The following GFM1 variants were observed in gnomAD, a reference collection of about 807,000 sequenced individuals.
The protein encoded by GFM1 is G elongation factor mitochondrial 1.
GFM1 carries 62 observed loss-of-function variants against 96.2 expected under a neutral mutation model. The observed-to-expected ratio is 0.64, with a 90% confidence interval of 0.53 to 0.80. GFM1 has a LOEUF of 0.80. Ranked by LOEUF, GFM1 falls within the 30% of genes least tolerant of loss-of-function variation. The pLI is 0.00. For missense variants in GFM1, 852 were observed against 916.6 expected (o/e 0.93, Z 0.91); for synonymous variants, 282 against 312.9 (o/e 0.90, Z 1.04).
intron 14 of GFM1, among the ~76,000 whole-genome samples, chr3:158,683,227 A>G (rs1240014953): frequency 6.6e-6 from 1 of 152,228 alleles, no homozygotes; most frequent in African/African-American, 2.4e-5. Context: ...TTAAATTCTT[A>G]TATCCACTAA....
chr3:158,665,302 G>C (rs1410975655), intron 11 of GFM1, 35 bp from the exon 12 acceptor site: 1 of 1,549,964 alleles, frequency 6.5e-7, no homozygotes, highest in Non-Finnish European at 8.9e-7. Context: ...ATCATGCTCA[G>C]TAAAACATAT....
intron 1 of GFM1, among the ~76,000 whole-genome samples, chr3:158,645,412 A>G (rs1221719914): frequency 6.6e-6 from 1 of 152,218 alleles, no homozygotes; most frequent in African/African-American, 2.4e-5. Context: ...TTATTCATTA[A>G]TTAATTTTAA....
At chr3:158,673,392 G>C (rs1460024115) in intron 13 of GFM1, among the ~76,000 whole-genome samples, 2 of 152,010 alleles carry the variant, frequency 1.3e-5, no homozygotes, top group Non-Finnish European at 2.9e-5. Context: ...CTTTGTAGAA[G>C]TACAGGTTTA....
chr3:158,694,787 G>A lies in GFM1; in HGVS notation c.*3320G>A, dbSNP rs902250137. On this transcript the variant is annotated 3_prime_UTR_variant, in exon 18 of 18. Transcript: ENST00000486715. ...GAACTTGTTCAACTTCTAAAAATTC[G>A]TAATTCAGGTAGGAAGAAAATGAAA... is the stretch of plus-strand genomic sequence containing the variant. Among the ~76,000 whole-genome samples the A allele has an allele frequency of 3.3e-5, 5 of 152,038 alleles. No individual in the cohort carries two copies. The highest frequency in any genetic ancestry group is 6.6e-5 in the Admixed American group (1 of 15,252).
intron 13 of GFM1, among the ~76,000 whole-genome samples, chr3:158,678,796 C>T (rs2082161): frequency 0.42 from 63,234 of 152,096 alleles, 14,296 homozygotes; most frequent in African/African-American, 0.6. Context: ...ATAATGCTAT[C>T]AAACAGCGTC....
rs200727254 is a variant in GFM1, at chr3:158,646,866, G to A, written c.491G>A (p.Arg164His). 1.3e-4 allele frequency: 215 copies of A among 1,613,994 alleles called. 1 individual carries two copies. Among genetic ancestry groups the A allele is most frequent in the Non-Finnish European group, 1.5e-4 (177 of 1,180,030 alleles). The part of the protein sequence containing the change: ...QTMTVNRQMK[R>H]YNVPFLTFIN... Reference sequence around the variant, plus strand: ...ATGACTGTCAATCGTCAGATGAAGCGCTACAACGTTCCGTTTCTAACTTTT... The same window carrying A: ...ATGACTGTCAATCGTCAGATGAAGCACTACAACGTTCCGTTTCTAACTTTT... The change falls in exon 4 of 18, where the codon CGC (arginine) becomes CAC (histidine). Residue 164 changes from arginine (R) to histidine (H), a missense_variant. Physicochemically the swap from Arg to His is conservative, Grantham distance 29 (BLOSUM62 0). Transcript: ENST00000486715.
At chr3:158,649,561 A>G (rs889429322) in intron 5 of GFM1, 1 of 195,784 alleles carries the variant, frequency 5.1e-6, no homozygotes, top group African/African-American at 2.4e-5. Flanking sequence ...AATAGAGATC[A>G]TAAATATTTG....
Position 158,644,537 on chromosome 3 carries a change from C to T in GFM1, c.-98C>T. ...CTTTGCCCCGGAAGTGCTCTTACAA[C>T]ATTGGCTGCCGGCGTGACTTTGACC... On this transcript the variant is annotated 5_prime_UTR_variant, in exon 1 of 18. Coordinates refer to ENST00000486715, the MANE Select transcript of GFM1 (RefSeq NM_024996.7). 2.1e-6 allele frequency: 2 copies of T among 945,608 alleles called. No homozygotes were observed. The highest frequency in any genetic ancestry group is 2.1e-5 in the Admixed American group (1 of 48,352). 58.6% of individuals were successfully genotyped at this position (945,608 alleles called of 1,614,324 possible). A position where few individuals can be genotyped will look rare whatever the true frequency, so the allele number is the denominator to read the frequency against.
chr3:158,655,011 G>A (rs1223186561), intron 8 of GFM1, among the ~76,000 whole-genome samples: 1 of 152,120 alleles, frequency 6.6e-6, no homozygotes, highest in Non-Finnish European at 1.5e-5. Context: ...TTTCCTAATT[G>A]TTAGATGTTT....
intron 12 of GFM1, among the ~76,000 whole-genome samples, chr3:158,666,052 C>T (rs536443147): frequency 3.3e-5 from 5 of 152,070 alleles, no homozygotes; most frequent in African/African-American, 9.6e-5. Flanking sequence ...ACAATGGTGA[C>T]GTTTTAGTGG....
intron 13 of GFM1, chr3:158,671,171 G>C (rs1156369473): frequency 1.1e-5 from 13 of 1,154,206 alleles, no homozygotes; most frequent in Non-Finnish European, 1.3e-5. Context: ...CACCATGAAT[G>C]TAACATCTAA....
chr3:158,690,429 G>C (rs907333975), intron 16 of GFM1, 106 bp downstream of exon 16: 18 of 1,092,024 alleles, frequency 1.6e-5, no homozygotes, highest in Non-Finnish European at 2.5e-5. Context: ...TGAATTTGTG[G>C]CTTTATACAT....
chr3:158,670,343 C>T (rs558067696), intron 13 of GFM1, among the ~76,000 whole-genome samples: 101 of 152,188 alleles, frequency 6.6e-4, no homozygotes, highest in African/African-American at 2.4e-3. Context: ...CTCTAAAAAC[C>T]CAGTGAAAAA....
intron 5 of GFM1, chr3:158,650,295 T>C (rs1449578193): frequency 5.9e-6 from 3 of 509,730 alleles, no homozygotes; most frequent in Non-Finnish European, 1.1e-5. Context: ...TCCCAGCCCC[T>C]AGAACAACTA....
chr3:158,665,545 T>G (rs1723592439), intron 12 of GFM1, 71 bp downstream of exon 12: 1 of 1,355,960 alleles, frequency 7.4e-7, no homozygotes, highest in East Asian at 2.3e-5. Context: ...TCAATAATTC[T>G]CAATCTAATG....
At chr3:158,656,704 A>G (rs1263725484) in intron 8 of GFM1, 1 of 152,098 alleles carries the variant, frequency 6.6e-6, no homozygotes, top group Non-Finnish European at 1.5e-5. Context: ...CTGCTTATTT[A>G]TCTATTTGGA....
At chr3:158,687,954 G>A (rs1194631042) in intron 15 of GFM1, among the ~76,000 whole-genome samples, 1 of 151,988 alleles carries the variant, frequency 6.6e-6, no homozygotes, top group East Asian at 1.9e-4. Flanking sequence ...CACCTCTGTT[G>A]AATGCCACAT....
In GFM1 at chr3:158,694,118, A is replaced by G. The variant is rs1279967938; in HGVS notation, c.*2651A>G. Among the ~76,000 whole-genome samples, 1 of 152,132 alleles carries G rather than the reference A, an allele frequency of 6.6e-6. No individual in the cohort carries two copies. Among genetic ancestry groups the G allele is most frequent in the African/African-American group, 2.4e-5 (1 of 41,426 alleles). ...GAACGTAAATCATTCTATTATAAAG[A>G]CACATGCATGCACACATTCATTGCA... On this transcript the variant is annotated 3_prime_UTR_variant, in exon 18 of 18. Transcript: ENST00000486715.
chr3:158,669,181 T>A (rs767218695), intron 13 of GFM1: 1 of 1,509,014 alleles, frequency 6.6e-7, no homozygotes, highest in Non-Finnish European at 9.0e-7. Flanking sequence ...GTATTAACCT[T>A]TTAAAACAAA....
Sources: allele counts gnomAD v4.1 joint callset (sites outside exome capture counted in the v4.1 genomes callset), GRCh38; gene constraint gnomAD v4.1.1; transcripts MANE v1.5; gene names NCBI Gene and HGNC (gene_info 2026-07-23, HGNC 2026-07-21).